NHSL1: variants seen among roughly 807,000 people sequenced by gnomAD.
The protein encoded by NHSL1 is NHS like 1, also known as NHS-like protein 1.
A neutral mutation model predicts 95.0 loss-of-function variants in NHSL1; 48 were observed. The ratio of observed to expected loss-of-function variants is 0.51; its 90% CI spans 0.40 to 0.64. The LOEUF is 0.64. Ranked by LOEUF, NHSL1 falls within the 30% of genes least tolerant of loss-of-function variation. The probability of loss-of-function intolerance (pLI) is 0.00; values close to 1 mark genes in which losing one functional copy is unlikely to be tolerated. For synonymous variants in NHSL1, 783 were observed against 833.9 expected (o/e 0.94, Z 1.05); for missense variants, 1,971 against 2,077.7 (o/e 0.95, Z 1.00).
intron 5 of NHSL1, among the ~76,000 whole-genome samples, chr6:138,441,364 A>T (rs148933607): frequency 1.4e-3 from 216 of 152,376 alleles, no homozygotes; most frequent in African/African-American, 5.0e-3. Flanking sequence ...TATAATGATA[A>T]CCAGAAACAA....
At chr6:138,668,065 C>CAT (rs35481713) in intron 1 of NHSL1, among the ~76,000 whole-genome samples, 4,789 of 152,240 alleles carry the variant, frequency 0.031, 198 homozygotes, top group African/African-American at 0.093. Flanking sequence ...TTTTAGTGGA[C>CAT]ACACACCACA....
At chr6:138,691,227 ATTT>A (rs1183809041) in intron 1 of NHSL1, among the ~76,000 whole-genome samples, 3 of 151,624 alleles carry the variant, frequency 2.0e-5, no homozygotes, top group Non-Finnish European at 2.9e-5. Flanking sequence ...CTCCCCACTG[ATTT>A]TTTTTTCTTG....
chr6:138,565,386 C>G (rs1269102711), intron 1 of NHSL1, among the ~76,000 whole-genome samples: 2 of 152,138 alleles, frequency 1.3e-5, no homozygotes, highest in Non-Finnish European at 2.9e-5. Flanking sequence ...GGATTATAGG[C>G]TTGAGCCACT....
chr6:138,655,991 C>A (rs1169366992), intron 1 of NHSL1, among the ~76,000 whole-genome samples: 2 of 152,180 alleles, frequency 1.3e-5, no homozygotes, highest in Non-Finnish European at 2.9e-5. Flanking sequence ...CCCAAAAAAC[C>A]TCAGTCAGAG....
intron 1 of NHSL1, among the ~76,000 whole-genome samples, chr6:138,514,244 G>A (rs1781362084): frequency 6.6e-6 from 1 of 152,066 alleles, no homozygotes; most frequent in Non-Finnish European, 1.5e-5. Flanking sequence ...CTTGAACCCG[G>A]GAGGAGGGGG....
chr6:138,502,218 T>C (rs1357206944), upstream of NHSL1, among the ~76,000 whole-genome samples: 1 of 152,224 alleles, frequency 6.6e-6, no homozygotes, highest in African/African-American at 2.4e-5. Context: ...GCGTTCTATA[T>C]TAAGTTGTAT....
intron 2 of NHSL1, among the ~76,000 whole-genome samples, chr6:138,480,710 A>G (rs1397995150): frequency 6.6e-6 from 1 of 152,218 alleles, no homozygotes; most frequent in Admixed American, 6.5e-5. Context: ...AAGCATTGGG[A>G]GGACTCCAGT....
At chr6:138,539,230 A>G (rs1782483021) in intron 1 of NHSL1, among the ~76,000 whole-genome samples, 1 of 152,190 alleles carries the variant, frequency 6.6e-6, no homozygotes, top group South Asian at 2.1e-4. Flanking sequence ...ATTTAAGACT[A>G]CCCATCTTCC....
intron 3 of NHSL1, among the ~76,000 whole-genome samples, chr6:138,461,202 T>C (rs1374950934): frequency 6.6e-6 from 1 of 151,968 alleles, no homozygotes; most frequent in East Asian, 1.9e-4. Context: ...TTTGGACAAG[T>C]TTGAGATACC....
upstream of NHSL1, among the ~76,000 whole-genome samples, chr6:138,576,840 T>C (rs190306338): frequency 6.6e-6 from 1 of 152,130 alleles, no homozygotes; most frequent in Admixed American, 6.5e-5. Context: ...TATACTTAGT[T>C]CTCCACATTT....
At position 138,424,747 on chromosome 6, in the gene NHSL1, C is replaced by T. The variant is rs924857830; in HGVS notation, c.4155G>A (p.Pro1385=). The T allele has an allele frequency of 2.9e-5, 45 of 1,550,966 alleles. No homozygotes were observed. Among genetic ancestry groups the T allele is most frequent in the Middle Eastern group, 1.7e-4 (1 of 6,002 alleles). Residue 1385 remains proline (P), a synonymous_variant, in exon 8 of 8, where the codon CCG becomes CCA. Coordinates refer to ENST00000343505, the MANE Select transcript of NHSL1 (RefSeq NM_001144060.2). The surrounding 1 kb of genome is among the most constrained non-coding windows in gnomAD (Gnocchi z 5.9). ...DDHSRNHSPS[P]PVTPTGAAPS... ...GGGCAGCGCCGGTGGGTGTCACGGG[C>T]GGGGAGGGAGAATGGTTTCGGGAGT...
chr6:138,429,753 C>G lies in NHSL1; in HGVS notation c.4043G>C (p.Ser1348Thr). ...AAGGTCTTCTGTGGTCCTGGGTCGA[C>G]TGGGGGTCATTACCTCATCATTCCC... ...EDGNDEVMTP[S>T]RPRTTEDLFA... The change falls in exon 7 of 8, where the codon AGT becomes ACT. Residue 1348 changes from serine to threonine, a missense_variant. Physicochemically the swap from Ser to Thr is moderately conservative, Grantham distance 58 (BLOSUM62 1). This residue lies in a region of NHSL1 where 146 missense variants were observed against 206.3 expected (regional missense o/e 0.71). Transcript: ENST00000343505. 1 of 1,551,946 alleles carries G rather than the reference C, an allele frequency of 6.4e-7. No homozygotes were observed. The highest frequency in any genetic ancestry group is 1.2e-5 in the South Asian group (1 of 84,056).
intron 1 of NHSL1, among the ~76,000 whole-genome samples, chr6:138,664,022 C>T (rs117535586): frequency 0.044 from 6,666 of 152,244 alleles, 205 homozygotes; most frequent in South Asian, 0.067. Flanking sequence ...CTTTATCTAG[C>T]CATCACTGGG....
chr6:138,675,370 TCCAAAAGGCAAG>T (rs1562410022), intron 1 of NHSL1, among the ~76,000 whole-genome samples: 1 of 151,928 alleles, frequency 6.6e-6, no homozygotes, highest in Admixed American at 6.6e-5. Flanking sequence ...CCCTTCACCC[TCCAAAAGGCAAG>T]TGGAGGCCTG....
intron 1 of NHSL1, among the ~76,000 whole-genome samples, chr6:138,511,397 A>T (rs773278379): frequency 2.0e-5 from 3 of 151,408 alleles, no homozygotes; most frequent in Non-Finnish European, 4.4e-5. Context: ...AGAGAGAGAG[A>T]GAGTGTGTGT....
chr6:138,605,596 G>T (rs1178878904), intron 1 of NHSL1, among the ~76,000 whole-genome samples: 1 of 152,160 alleles, frequency 6.6e-6, no homozygotes, highest in Non-Finnish European at 1.5e-5. Flanking sequence ...CTCATATTGT[G>T]TCTACCCACC....
chr6:138,613,054 C>A (rs1784534894), intron 1 of NHSL1, among the ~76,000 whole-genome samples: 1 of 152,192 alleles, frequency 6.6e-6, no homozygotes, highest in Non-Finnish European at 1.5e-5. Context: ...GAAACCACCA[C>A]ACCAGGCCCA....
At chr6:138,565,116 T>C (rs1435909668) in intron 1 of NHSL1, among the ~76,000 whole-genome samples, 1 of 152,086 alleles carries the variant, frequency 6.6e-6, no homozygotes, top group African/African-American at 2.4e-5. Flanking sequence ...TTCTGTTTCT[T>C]GTTTTTCTGA....
In NHSL1 at chr6:138,691,710, T is replaced by C. The variant is rs902558230; in HGVS notation, c.96+766A>G. 16 of 340,612 alleles carry C rather than the reference T, an allele frequency of 4.7e-5. No individual in the cohort carries two copies. In the East Asian group the frequency reaches 1.1e-3, roughly 24 times the overall value. 21.1% of individuals were successfully genotyped at this position (340,612 alleles called of 1,614,324 possible). A position where few individuals can be genotyped will look rare whatever the true frequency, so the allele number is the denominator to read the frequency against. Reference sequence around the variant, plus strand: ...GCTTTGGGCCAGCAGGAAATTCCAGTTGCTTCATTCACCGGAGCCAGTTAA... The same window carrying C: ...GCTTTGGGCCAGCAGGAAATTCCAGCTGCTTCATTCACCGGAGCCAGTTAA... On this transcript the variant is annotated intron_variant, in intron 1 of 3. Transcript: ENST00000491526.
Sources: gnomAD v4.1 joint callset for allele counts (sites outside exome capture counted in the v4.1 genomes callset) on GRCh38, gnomAD v4.1.1 for gene constraint, gnomAD v4.1.1 regional missense constraint, Gnocchi (gnomAD v3.1) non-coding constraint, MANE v1.5 for transcripts, NCBI Gene and HGNC (gene_info 2026-07-23, HGNC 2026-07-21) for gene names.